LRRC1: variants seen among roughly 807,000 people sequenced by gnomAD.
LRRC1 encodes the protein leucine rich repeat containing 1.
LRRC1 carries 28 observed loss-of-function variants against 69.9 expected under a neutral mutation model. The observed-to-expected ratio is 0.40, with a 90% CI of 0.30 to 0.55. LRRC1 has a LOEUF of 0.55. Among genes scored for constraint, LRRC1 ranks in the 20% least tolerant of loss-of-function variants. The pLI is 0.47. For missense variants in LRRC1, 498 were observed against 609.0 expected, an observed-to-expected ratio of 0.82 and a Z score of 1.92; for synonymous variants, 236 against 240.2, an observed-to-expected ratio of 0.98 and a Z score of 0.16.
At chr6:53,855,780 C>T (rs1280808404) in intron 2 of LRRC1, among the ~76,000 whole-genome samples, 1 of 152,170 alleles carries the variant, frequency 6.6e-6, no homozygotes, top group Non-Finnish European at 1.5e-5. Flanking sequence ...CACCCCAGCC[C>T]CCTTTTAGGT....
chr6:53,872,359 A>T (rs1197109358), intron 2 of LRRC1, among the ~76,000 whole-genome samples: 2 of 152,150 alleles, frequency 1.3e-5, no homozygotes, highest in Non-Finnish European at 2.9e-5. Flanking sequence ...TCAACCATCA[A>T]CCAAGCAGTA....
intron 10 of LRRC1, among the ~76,000 whole-genome samples, chr6:53,909,398 A>G (rs1208808870): frequency 3.9e-5 from 6 of 152,190 alleles, no homozygotes; most frequent in South Asian, 2.1e-4. Flanking sequence ...GGAAATAACT[A>G]TGTGGTCCAT....
At chr6:53,863,716 A>G (rs766923197) in intron 2 of LRRC1, among the ~76,000 whole-genome samples, 4 of 152,112 alleles carry the variant, frequency 2.6e-5, no homozygotes, top group Admixed American at 6.5e-5. Context: ...ACTCTACCCC[A>G]TGTTCTCAGA....
At chr6:53,888,278 A>C (rs754593600) in intron 4 of LRRC1, among the ~76,000 whole-genome samples, 1 of 152,230 alleles carries the variant, frequency 6.6e-6, no homozygotes, top group Non-Finnish European at 1.5e-5. Flanking sequence ...AAATTAATTC[A>C]GGAAGATGGC....
At chr6:53,864,998 G>A (rs1043486652) in intron 2 of LRRC1, among the ~76,000 whole-genome samples, 12 of 152,106 alleles carry the variant, frequency 7.9e-5, no homozygotes, top group Admixed American at 1.3e-4. Context: ...AGGCGATTGC[G>A]TGTGCACTCT....
In LRRC1 at chr6:53,922,852, T is replaced by A. The variant is rs1190631519; in HGVS notation, c.*59T>A. On this transcript the variant is annotated 3_prime_UTR_variant, in exon 14 of 14. Transcript: ENST00000370888. The stretch of plus-strand genomic sequence containing the variant: ...CCTCTGCTGTCGAGACGTTCCTGTC[T>A]GCTTCCCGGGAGCCTCACGTGCTCC... The A allele has an allele frequency of 6.5e-7, 1 of 1,548,446 alleles. No homozygotes were observed. The highest frequency in any genetic ancestry group is 1.4e-5 in the African/African-American group (1 of 73,754).
chr6:53,824,804 A>G (rs935440144), intron 1 of LRRC1, among the ~76,000 whole-genome samples: 1 of 152,196 alleles, frequency 6.6e-6, no homozygotes, highest in Non-Finnish European at 1.5e-5. Context: ...CCTAGGGTCA[A>G]GAAGGTACTT....
intron 11 of LRRC1, 28 bp from the exon 12 acceptor site, chr6:53,919,470 C>CTT (rs59246960): frequency 7.2e-5 from 87 of 1,204,402 alleles, no homozygotes; most frequent in South Asian, 3.9e-4. Context: ...TGTGATGTCT[C>CTT]TTTTTTTAAA....
Position 53,922,853 on chromosome 6 carries a change from G to A in LRRC1, c.*60G>A. The stretch of plus-strand genomic sequence containing the variant: ...CTCTGCTGTCGAGACGTTCCTGTCT[G>A]CTTCCCGGGAGCCTCACGTGCTCCT... On this transcript the variant is annotated 3_prime_UTR_variant, in exon 14 of 14. Coordinates refer to ENST00000370888, the MANE Select transcript of LRRC1 (RefSeq NM_018214.5). 1.3e-6 allele frequency: 2 copies of A among 1,541,008 alleles called. No homozygotes were observed. Among genetic ancestry groups the A allele is most frequent in the Non-Finnish European group, 1.8e-6 (2 of 1,129,512 alleles).
chr6:53,820,467 A>G (rs1765085158), intron 1 of LRRC1, among the ~76,000 whole-genome samples: 1 of 149,568 alleles, frequency 6.7e-6, no homozygotes, highest in Admixed American at 6.7e-5. Flanking sequence ...CAAATTCACA[A>G]GTTAAAATAT....
At chr6:53,819,920 A>C (rs1470517596) in intron 1 of LRRC1, among the ~76,000 whole-genome samples, 1 of 152,070 alleles carries the variant, frequency 6.6e-6, no homozygotes, top group Non-Finnish European at 1.5e-5. Flanking sequence ...ATTCATATTG[A>C]GTTTATAGTT....
intron 1 of LRRC1, among the ~76,000 whole-genome samples, chr6:53,814,055 T>G (rs567415336): frequency 6.6e-6 from 1 of 152,308 alleles, no homozygotes; most frequent in East Asian, 1.9e-4. Flanking sequence ...CTTCCTCTTT[T>G]GCTTATTTAC....
chr6:53,900,037 T>TTG, intron 8 of LRRC1, 146 bp downstream of exon 8: 2 of 677,140 alleles, frequency 3.0e-6, no homozygotes, highest in African/African-American at 2.1e-5. Flanking sequence ...TTTTTTTTTT[T>TTG]TTTTTTTTTT....
chr6:53,899,747 G>A lies in LRRC1; in HGVS notation c.643G>A (p.Glu215Lys), dbSNP rs1411687923. ...DGNQLSELPQ[E>K]IGNLKNLLCL... ...TTATTTTTCCATGTCATTGTTATAG[G>A]AAATAGGAAATCTGAAGAACCTGCT... The change falls in exon 8 of 14, where the codon GAA (glutamate) becomes AAA (lysine). Residue 215 changes from glutamate to lysine, a missense_variant and splice_region_variant. Transcript: ENST00000370888. The A allele has an allele frequency of 1.9e-6, 3 of 1,613,570 alleles. No homozygotes were observed. The highest frequency in any genetic ancestry group is 1.7e-5 in the Admixed American group (1 of 59,926).
chr6:53,822,330 G>A (rs1403334216), intron 1 of LRRC1, among the ~76,000 whole-genome samples: 3 of 152,158 alleles, frequency 2.0e-5, no homozygotes, highest in Admixed American at 2.0e-4. Flanking sequence ...TCCATATGAA[G>A]CCAGAGAAAG....
At chr6:53,904,340 ATG>A (rs1323166002) in intron 9 of LRRC1, 37 bp from the exon 10 acceptor site, 1 of 1,247,488 alleles carries the variant, frequency 8.0e-7, no homozygotes, top group East Asian at 2.3e-5. Context: ...CATGTTAAAA[ATG>A]TGTGTTAAAT....
At chr6:53,837,048 G>A (rs182066337) in intron 1 of LRRC1, among the ~76,000 whole-genome samples, 2 of 151,918 alleles carry the variant, frequency 1.3e-5, no homozygotes, top group African/African-American at 2.4e-5. Context: ...CATAACTAAC[G>A]GTAAGCTTTC....
intron 1 of LRRC1, among the ~76,000 whole-genome samples, chr6:53,825,360 G>A (rs1035294571): frequency 1.3e-5 from 2 of 152,192 alleles, no homozygotes; most frequent in African/African-American, 4.8e-5. Flanking sequence ...AGATGTAATT[G>A]TGTAAGAGCC....
Position 53,922,995 on chromosome 6 carries a change from ATT to A in LRRC1, c.*215_*216del, listed in dbSNP as rs11307213. ...AGCGCACCAGTGGTCTCCCGGTGTG[ATT>A]TTTTTTTTTTTTAATTTCAGTTGTT... is the stretch of plus-strand genomic sequence containing the variant. On this transcript the variant is annotated 3_prime_UTR_variant, in exon 14 of 14. Transcript: ENST00000370888. 0.023 allele frequency: 8,976 copies of A among 392,794 alleles called. No homozygotes were observed. The highest frequency in any genetic ancestry group is 0.087 in the East Asian group (2,260 of 26,088). 24.3% of individuals were successfully genotyped at this position (392,794 alleles called of 1,614,324 possible).
Sources: gnomAD v4.1 joint callset for allele counts (sites outside exome capture counted in the v4.1 genomes callset) on GRCh38, gnomAD v4.1.1 for gene constraint, MANE v1.5 for transcripts, NCBI Gene and HGNC (gene_info 2026-07-23, HGNC 2026-07-21) for gene names.